ADGRL3: variants seen among roughly 807,000 people sequenced by gnomAD.
The protein encoded by ADGRL3 is calcium-independent alpha-latrotoxin receptor 3.
ADGRL3 carries 62 observed loss-of-function variants against 153.5 expected under a neutral mutation model. That is an observed-to-expected ratio of 0.40 (90% CI 0.33 to 0.50). The LOEUF (loss-of-function observed/expected upper bound fraction) is 0.50. ADGRL3 is among the 20% of genes least tolerant of loss of function. The pLI is 0.47. For missense variants in ADGRL3, 1,641 were observed against 1,859.4 expected (o/e 0.88, Z 2.16); for synonymous variants, 710 against 672.5 (o/e 1.06, Z -0.86).
At chr4:61,541,278 G>A (rs1324180091) in intron 4 of ADGRL3, among the ~76,000 whole-genome samples, 1 of 151,652 alleles carries the variant, frequency 6.6e-6, no homozygotes, top group Non-Finnish European at 1.5e-5. Context: ...TACAGCAGGT[G>A]AGAATAACTG....
At chr4:61,467,958 C>T (rs934423248) in intron 2 of ADGRL3, among the ~76,000 whole-genome samples, 2 of 152,048 alleles carry the variant, frequency 1.3e-5, no homozygotes, top group African/African-American at 4.8e-5. Flanking sequence ...CAAATTTATA[C>T]ACATGTTGCT....
intron 25 of ADGRL3, among the ~76,000 whole-genome samples, chr4:62,048,497 G>A (rs1027091411): frequency 2.0e-5 from 3 of 151,574 alleles, no homozygotes; most frequent in Non-Finnish European, 2.9e-5. Context: ...TCCTGACCTC[G>A]TGATCCACCC....
intron 4 of ADGRL3, among the ~76,000 whole-genome samples, chr4:61,584,215 C>A (rs879694713): frequency 1.3e-5 from 2 of 151,912 alleles, no homozygotes; most frequent in Non-Finnish European, 2.9e-5. Context: ...TTCCCGTAAA[C>A]AAAGTATCCA....
chr4:61,566,548 T>C (rs1204289799), intron 4 of ADGRL3, among the ~76,000 whole-genome samples: 1 of 152,116 alleles, frequency 6.6e-6, no homozygotes, highest in Non-Finnish European at 1.5e-5. Flanking sequence ...TTTAAGATAT[T>C]TTTAAAATAT....
intron 8 of ADGRL3, among the ~76,000 whole-genome samples, chr4:61,772,905 T>C (rs145511908): frequency 2.6e-5 from 4 of 152,302 alleles, no homozygotes; most frequent in Non-Finnish European, 4.4e-5. Flanking sequence ...TACCTTGTAT[T>C]ACCATGTTTT....
chr4:62,032,788 A>T (rs1236842963), intron 23 of ADGRL3, among the ~76,000 whole-genome samples: 1 of 151,530 alleles, frequency 6.6e-6, no homozygotes, highest in African/African-American at 2.4e-5. Flanking sequence ...TCAATTTTAG[A>T]TGGTGGTAGA....
At chr4:61,734,351 A>G (rs1444691770) in intron 8 of ADGRL3, among the ~76,000 whole-genome samples, 1 of 152,204 alleles carries the variant, frequency 6.6e-6, no homozygotes, top group African/African-American at 2.4e-5. Flanking sequence ...CTGTAAAGAT[A>G]TAAACAAGAC....
chr4:61,989,694 C>T (rs1434722549), intron 19 of ADGRL3, among the ~76,000 whole-genome samples: 3 of 151,970 alleles, frequency 2.0e-5, no homozygotes, highest in Non-Finnish European at 2.9e-5. Context: ...AGGACTATAT[C>T]AGAGATCATC....
intron 21 of ADGRL3, among the ~76,000 whole-genome samples, chr4:62,000,357 A>G (rs1417172597): frequency 4.6e-5 from 7 of 151,916 alleles, no homozygotes; most frequent in Non-Finnish European, 1.0e-4. Flanking sequence ...ACTGTCACAT[A>G]GTTTAAAATA....
chr4:61,778,402 G>T (rs761657561), intron 8 of ADGRL3, among the ~76,000 whole-genome samples: 7 of 152,194 alleles, frequency 4.6e-5, no homozygotes, highest in South Asian at 4.1e-4. Flanking sequence ...CCAGTTGTTT[G>T]TAAGGACAAA....
chr4:61,294,466 T>G (rs548774918), intron 1 of ADGRL3, among the ~76,000 whole-genome samples: 10 of 152,180 alleles, frequency 6.6e-5, no homozygotes, highest in African/African-American at 2.4e-4. Flanking sequence ...TTTCAACTTA[T>G]GATATTTTCA....
intron 10 of ADGRL3, among the ~76,000 whole-genome samples, chr4:61,895,139 C>T (rs1369340397): frequency 6.6e-6 from 1 of 152,190 alleles, no homozygotes; most frequent in East Asian, 1.9e-4. Context: ...TCCATGGAGG[C>T]ACATATCACA....
Position 61,969,488 on chromosome 4 carries a change from T to G in ADGRL3, c.2806-10075T>G, listed in dbSNP as rs375214257. On this transcript the variant is annotated intron_variant, in intron 17 of 26. Coordinates refer to ENST00000683033, the MANE Select transcript of ADGRL3 (RefSeq NM_001387552.1). The stretch of plus-strand genomic sequence containing the variant: ...CTAGATCCATGGATCGTTCTATGTA[T>G]TTTTAAAGTAACACAGTTGTTTAGC... 2.8e-4 allele frequency among the ~76,000 whole-genome samples: 42 copies of G among 152,264 alleles called. No homozygotes were observed. The South Asian group carries it at 8.7e-3, about 32-fold the overall frequency.
chr4:61,738,535 A>C (rs992363736), intron 8 of ADGRL3, among the ~76,000 whole-genome samples: 1 of 152,168 alleles, frequency 6.6e-6, no homozygotes, highest in African/African-American at 2.4e-5. Context: ...TACATTCTAC[A>C]AGTGTCATTT....
At chr4:61,425,793 G>A (rs2097271448) in intron 2 of ADGRL3, among the ~76,000 whole-genome samples, 1 of 152,228 alleles carries the variant, frequency 6.6e-6, no homozygotes, top group Non-Finnish European at 1.5e-5. Context: ...CCCAAGGAGT[G>A]ACATGTAAAT....
chr4:61,756,396 T>A (rs1056938368), intron 8 of ADGRL3, among the ~76,000 whole-genome samples: 2 of 152,194 alleles, frequency 1.3e-5, no homozygotes, highest in Non-Finnish European at 2.9e-5. Context: ...GAATGGGAGT[T>A]CACTCACGAT....
chr4:61,846,211 G>C (rs914183067), intron 9 of ADGRL3, among the ~76,000 whole-genome samples: 1 of 151,770 alleles, frequency 6.6e-6, no homozygotes, highest in Non-Finnish European at 1.5e-5. Context: ...TAGCTACTTG[G>C]GGGGCTGAGG....
In ADGRL3 at chr4:61,720,559, T is replaced by C. The variant is rs79779940; in HGVS notation, c.584-10063T>C. Among the ~76,000 whole-genome samples the C allele has an allele frequency of 2.1e-3, 316 of 152,304 alleles. 2 individuals carry two copies. The highest frequency in any genetic ancestry group is 7.1e-3 in the African/African-American group (297 of 41,572). On this transcript the variant is annotated intron_variant, in intron 6 of 26. Coordinates refer to ENST00000683033, the MANE Select transcript of ADGRL3 (RefSeq NM_001387552.1). ...AGCACTGATGGCATGTAGAGAGTAA[T>C]AGGGGTAGCTGGGAATAGTATTTGC...
intron 18 of ADGRL3, 31 bp downstream of exon 18, chr4:61,979,803 A>AT (rs779613168): frequency 6.3e-7 from 1 of 1,576,738 alleles, no homozygotes; most frequent in South Asian, 1.1e-5. Context: ...CCAGTGAAGA[A>AT]TTTTTCCACT....
Sources: allele counts gnomAD v4.1 joint callset (sites outside exome capture counted in the v4.1 genomes callset), GRCh38; gene constraint gnomAD v4.1.1; transcripts MANE v1.5; gene names NCBI Gene and HGNC (gene_info 2026-07-23, HGNC 2026-07-21).